The following CYFIP1 variants were observed in gnomAD, a reference collection of about 807,000 sequenced individuals.
CYFIP1 encodes the protein cytoplasmic FMR1 interacting protein 1, also known as cytoplasmic FMR1-interacting protein 1.
A neutral mutation model predicts 163.5 loss-of-function variants in CYFIP1; 58 were observed. The observed-to-expected ratio is 0.35, with a 90% CI of 0.29 to 0.44. The LOEUF (loss-of-function observed/expected upper bound fraction) is 0.44, where lower values mean the gene tolerates loss of function less well. CYFIP1 is among the 20% of genes least tolerant of loss of function. CYFIP1 has a pLI of 1.00. For missense variants in CYFIP1, 1,338 were observed against 1,653.8 expected (o/e 0.81, Z 3.31); for synonymous variants, 663 against 660.7 (o/e 1.00, Z -0.05).
At chr15:22,942,130 G>C (rs1292857191) in intron 6 of CYFIP1, among the ~76,000 whole-genome samples, 1 of 152,172 alleles carries the variant, frequency 6.6e-6, no homozygotes, top group African/African-American at 2.4e-5. Flanking sequence ...GTGATAAATG[G>C]AACACTGCAT....
Position 22,916,450 on chromosome 15 carries a change from C to T in CYFIP1, c.1828+27G>A, listed in dbSNP as rs374338761. ...TTAGTGGTGTTAGGACATGCCAGGC[C>T]GGATGCTGCTCAGCAGTATCTCTTA... On this transcript the variant is annotated intron_variant, in intron 16 of 30. Coordinates refer to ENST00000617928, the MANE Select transcript of CYFIP1 (RefSeq NM_014608.6). 224 of 1,525,238 alleles carry T rather than the reference C, an allele frequency of 1.5e-4. No individual in the cohort carries two copies. The African/African-American group carries it at 2.7e-3, about 18-fold the overall frequency. 94.5% of individuals were successfully genotyped at this position (1,525,238 alleles called of 1,614,324 possible). A position where few individuals can be genotyped will look rare whatever the true frequency, so the allele number is the denominator to read the frequency against.
intron 16 of CYFIP1, among the ~76,000 whole-genome samples, chr15:22,915,982 G>T (rs563888280): frequency 6.6e-6 from 1 of 152,304 alleles, no homozygotes; most frequent in South Asian, 2.1e-4. Context: ...ATCCTGTTCT[G>T]AGCAAGAGGT....
chr15:22,868,370 A>AT lies in CYFIP1; in HGVS notation c.*1657_*1658insA, dbSNP rs2059296711. On this transcript the variant is annotated 3_prime_UTR_variant, in exon 31 of 31. Transcript: ENST00000617928. ...AACATGCATAGGTTAATAAATAATA[A>AT]ATTCTTATTTAACATTTTGTAGCAC... is the stretch of plus-strand genomic sequence containing the variant. The AT allele has an allele frequency of 6.6e-6, 1 of 152,064 alleles. No individual in the cohort carries two copies. Among genetic ancestry groups the AT allele is most frequent in the African/African-American group, 2.4e-5 (1 of 41,420 alleles). The allele number at this position is 152,064 out of a possible 1,614,324, so 9.4% of individuals were successfully genotyped here.
chr15:22,961,147 G>A (rs1293321190), intron 1 of CYFIP1, among the ~76,000 whole-genome samples: 2 of 151,194 alleles, frequency 1.3e-5, no homozygotes, highest in Admixed American at 6.6e-5. Context: ...TCAGCCTCCC[G>A]AGAAGCTGGG....
At chr15:22,916,074 C>T (rs575071075) in intron 16 of CYFIP1, among the ~76,000 whole-genome samples, 1 of 152,294 alleles carries the variant, frequency 6.6e-6, no homozygotes, top group Non-Finnish European at 1.5e-5. Flanking sequence ...GTCAAGGTGG[C>T]CGGGTGTCAC....
chr15:22,929,972 T>G (rs984429183), intron 11 of CYFIP1, among the ~76,000 whole-genome samples: 24 of 150,816 alleles, frequency 1.6e-4, no homozygotes, highest in African/African-American at 5.1e-4. Context: ...TATGACATAA[T>G]GACATAAATC....
chr15:22,946,504 A>AG (rs1484565644), intron 3 of CYFIP1, among the ~76,000 whole-genome samples: 1 of 150,064 alleles, frequency 6.7e-6, no homozygotes, highest in Admixed American at 6.6e-5. Flanking sequence ...AGCTGGGCGT[A>AG]GTGGTGGGCG....
At position 22,873,582 on chromosome 15, in the gene CYFIP1, G is replaced by A. The variant is rs1217640613; in HGVS notation, c.3358C>T (p.His1120Tyr). ...RGPLPSNGVM[H>Y]VDECVEFHRL... ...TGAAACTCCACACACTCGTCCACAT[G>A]CATGACCCCATTGCTGGGCAGAGGC... Residue 1120 changes from histidine (H) to tyrosine (Y), a missense_variant, in exon 29 of 31, where the codon CAT (histidine) becomes TAT (tyrosine). By Grantham distance (83) the His-to-Tyr change is moderately conservative (BLOSUM62 2). This residue lies in a region of CYFIP1 where 306 missense variants were observed against 322.1 expected (regional missense o/e 0.95). Transcript: ENST00000617928. 1 of 1,614,132 alleles carries A rather than the reference G, an allele frequency of 6.2e-7. No homozygotes were observed. Among genetic ancestry groups the A allele is most frequent in the African/African-American group, 1.3e-5 (1 of 74,946 alleles).
At chr15:22,893,112 T>C (rs2060124599) in intron 22 of CYFIP1, 135 bp from the exon 23 acceptor site, 1 of 654,368 alleles carries the variant, frequency 1.5e-6, no homozygotes, top group Non-Finnish European at 2.6e-6. Flanking sequence ...AGGAAAATTC[T>C]AGTGAATCGA....
intron 1 of CYFIP1, among the ~76,000 whole-genome samples, chr15:22,957,895 C>T (rs1206864585): frequency 6.6e-6 from 1 of 152,142 alleles, no homozygotes; most frequent in Non-Finnish European, 1.5e-5. Context: ...CTTTCTCTCC[C>T]AGGTGTAGAA....
At chr15:22,958,595 G>C (rs957327089) in intron 1 of CYFIP1, among the ~76,000 whole-genome samples, 2 of 152,110 alleles carry the variant, frequency 1.3e-5, no homozygotes, top group African/African-American at 4.8e-5. Flanking sequence ...CAGCCCCTTC[G>C]GCCAGGGTCA....
rs1056366055 is a variant in CYFIP1, at chr15:22,947,258, C to T, written c.28G>A (p.Ala10Thr). MAAQVTLEDALSNVDLLEEL... is the reference protein window; with the variant it reads MAAQVTLEDTLSNVDLLEEL... ...TCCAGGAGGTCCACGTTGGACAGCG[C>T]GTCCTCCAGAGTCACCTGGGCCGCC... The change falls in exon 2 of 31, where the codon GCG (alanine) becomes ACG (threonine). Residue 10 changes from alanine (A) to threonine (T), a missense_variant. Physicochemically the swap from Ala to Thr is moderately conservative, Grantham distance 58. This residue lies in a region of CYFIP1 where 186 missense variants were observed against 288.3 expected (regional missense o/e 0.65). Transcript: ENST00000617928. The T allele has an allele frequency of 1.9e-6, 3 of 1,613,938 alleles. No individual in the cohort carries two copies. The highest frequency in any genetic ancestry group is 1.7e-6 in the Non-Finnish European group (2 of 1,179,942).
rs746457824 is a variant in CYFIP1, at chr15:22,872,928, A to G, written c.3494T>C (p.Ile1165Thr). Residue 1165 changes from isoleucine to threonine, a missense_variant, in exon 30 of 31, where the codon ATC (isoleucine) becomes ACC (threonine). Ile to Thr is a moderately conservative substitution (Grantham distance 89). This residue lies in a region of CYFIP1 where 306 missense variants were observed against 322.1 expected (regional missense o/e 0.95). Transcript: ENST00000617928. Reference protein sequence around the residue: ...DGLHWAGCMIIVLLGQQRRFA... With the variant: ...DGLHWAGCMITVLLGQQRRFA... ...ACGCCGCTGCTGCCCAAGAAGTACG[A>G]TGATCATACAGCCAGCCCAGTGTAG... The G allele has an allele frequency of 2.5e-6, 4 of 1,614,032 alleles. No individual in the cohort carries two copies. Among genetic ancestry groups the G allele is most frequent in the Non-Finnish European group, 3.4e-6 (4 of 1,180,004 alleles).
intron 24 of CYFIP1, 151 bp from the exon 25 acceptor site, chr15:22,882,087 C>A: frequency 1.5e-6 from 1 of 652,556 alleles, no homozygotes; most frequent in East Asian, 2.8e-5. Context: ...AAAATCCACC[C>A]CGGGAGAGAG....
At chr15:22,916,076 G>A (rs767234836) in intron 16 of CYFIP1, among the ~76,000 whole-genome samples, 9 of 152,134 alleles carry the variant, frequency 5.9e-5, no homozygotes, top group Admixed American at 3.3e-4. Flanking sequence ...CAAGGTGGCC[G>A]GGTGTCACCC....
intron 22 of CYFIP1, among the ~76,000 whole-genome samples, chr15:22,897,957 C>G (rs2060286335): frequency 6.6e-6 from 1 of 152,184 alleles, no homozygotes; most frequent in African/African-American, 2.4e-5. Flanking sequence ...GGTCCCTGCT[C>G]TCTCATATGC....
intron 12 of CYFIP1, among the ~76,000 whole-genome samples, chr15:22,927,611 G>A (rs2061397973): frequency 6.6e-6 from 1 of 151,780 alleles, no homozygotes; most frequent in African/African-American, 2.4e-5. Context: ...ACTTATGTTT[G>A]CACCACCGCA....
rs34662161 is a variant in CYFIP1 at position 22,944,238 on chromosome 15, CAAAAA to C, written c.387+315_387+319del. Among the ~76,000 whole-genome samples, 178 of 94,960 alleles carry C rather than the reference CAAAAA, an allele frequency of 1.9e-3. 1 individual carries two copies. The highest frequency in any genetic ancestry group is 5.9e-3 in the Admixed American group (52 of 8,804). The allele number at this position is 94,960 out of a possible 152,430, so 62.3% of individuals were successfully genotyped here. On this transcript the variant is annotated intron_variant, in intron 5 of 30. Transcript: ENST00000617928. ...AGGGCGACAAAGCAAGACTCTGTCT[CAAAAA>C]AAAAAAAAAAAAAAAAAAGTACAAA...
chr15:22,916,393 T>C, intron 16 of CYFIP1, 84 bp downstream of exon 16: 2 of 1,005,916 alleles, frequency 2.0e-6, no homozygotes, highest in Non-Finnish European at 3.0e-6. Flanking sequence ...GGGTAGGGGG[T>C]GGTCAGGCGG....
Sources: gnomAD v4.1 joint callset for allele counts (sites outside exome capture counted in the v4.1 genomes callset) on GRCh38, gnomAD v4.1.1 for gene constraint, gnomAD v4.1.1 regional missense constraint, MANE v1.5 for transcripts, NCBI Gene and HGNC (gene_info 2026-07-23, HGNC 2026-07-21) for gene names.